CBY1: variants seen among roughly 807,000 people sequenced by gnomAD.
The protein encoded by CBY1 is protein chibby homolog 1.
CBY1 carries 10 observed loss-of-function variants against 15.6 expected under a neutral mutation model. The ratio of observed to expected loss-of-function variants is 0.64; its 90% CI spans 0.40 to 1.09. The LOEUF is 1.09. CBY1 is among the 50% of genes least tolerant of loss of function. The probability of loss-of-function intolerance (pLI) is 0.01; values close to 1 mark genes in which losing one functional copy is unlikely to be tolerated. For synonymous variants in CBY1, 61 were observed against 63.5 expected, an observed-to-expected ratio of 0.96 and a Z score of 0.19; for missense variants, 150 against 160.5, an observed-to-expected ratio of 0.93 and a Z score of 0.35.
intron 1 of CBY1, among the ~76,000 whole-genome samples, chr22:38,658,040 C>G (rs1304226928): frequency 6.6e-6 from 1 of 152,030 alleles, no homozygotes; most frequent in Non-Finnish European, 1.5e-5. Context: ...ATGACAAGTT[C>G]ATTCAAGTCA....
In CBY1 at chr22:38,670,942, A is replaced by T. The variant is rs1569256376; in HGVS notation, c.137A>T (p.Asn46Ile). The change falls in exon 3 of 5, where the codon AAC becomes ATC. Residue 46 changes from asparagine to isoleucine, a missense_variant. Coordinates refer to ENST00000216029, the MANE Select transcript of CBY1 (RefSeq NM_015373.4). ...LGLEYGSPTM[N>I]LAGQSLKFEN... ...TTGGAATACGGATCCCCGACTATGA[A>T]CCTGGCAGGGCAAAGCCTGAAGTTT... The T allele has an allele frequency of 1.2e-6, 2 of 1,614,162 alleles. No individual in the cohort carries two copies. Among genetic ancestry groups the T allele is most frequent in the Non-Finnish European group, 1.7e-6 (2 of 1,180,026 alleles).
chr22:38,670,855 G>A, intron 2 of CBY1, 29 bp from the exon 3 acceptor site: 1 of 1,531,514 alleles, frequency 6.5e-7, no homozygotes, highest in Non-Finnish European at 9.0e-7. Context: ...CGGGCCTGCT[G>A]AAGTTGTCAC....
At chr22:38,671,525 T>G in intron 4 of CBY1, 1 of 307,956 alleles carries the variant, frequency 3.2e-6, no homozygotes. Context: ...GAATAGAGGT[T>G]AGATGAAGGC....
intron 1 of CBY1, among the ~76,000 whole-genome samples, chr22:38,658,211 T>C (rs5757214): frequency 0.29 from 44,715 of 151,822 alleles, 6,672 homozygotes; most frequent in East Asian, 0.36. Context: ...CTGCAACCTC[T>C]GCCTCCTGGG....
chr22:38,660,992 C>A (rs1425603904), intron 1 of CBY1, among the ~76,000 whole-genome samples: 2 of 152,036 alleles, frequency 1.3e-5, no homozygotes, highest in Admixed American at 1.3e-4. Flanking sequence ...CAGGGCCTTA[C>A]AATGTGTTTT....
At chr22:38,673,042 C>G in intron 4 of CBY1, 117 bp from the exon 5 acceptor site, 1 of 673,360 alleles carries the variant, frequency 1.5e-6, no homozygotes, top group Admixed American at 2.2e-5. Flanking sequence ...ATCGAGGAAG[C>G]CAGCAGCATC....
At chr22:38,661,570 T>C (rs1480390373) in intron 1 of CBY1, among the ~76,000 whole-genome samples, 1 of 152,244 alleles carries the variant, frequency 6.6e-6, no homozygotes, top group African/African-American at 2.4e-5. Flanking sequence ...CATATACTTA[T>C]GTATTGTATG....
chr22:38,659,571 A>C (rs933870766), intron 1 of CBY1, among the ~76,000 whole-genome samples: 18 of 152,044 alleles, frequency 1.2e-4, no homozygotes, highest in African/African-American at 4.3e-4. Context: ...TTTTATTATA[A>C]GAATGTGCTG....
At chr22:38,661,624 T>C (rs2092422576) in intron 1 of CBY1, among the ~76,000 whole-genome samples, 1 of 152,234 alleles carries the variant, frequency 6.6e-6, no homozygotes, top group Non-Finnish European at 1.5e-5. Context: ...TTATCATTAA[T>C]TTTAGTGAGA....
In CBY1 at chr22:38,666,232, TA is replaced by T. The variant is rs201827494; in HGVS notation, c.-38-1784del. The stretch of plus-strand genomic sequence containing the variant: ...TCTGTATTAATGTTATATATATATA[TA>T]TTTTTTTTTCTTTTTTAACCTTTTT... On this transcript the variant is annotated intron_variant, in intron 1 of 4. Coordinates refer to ENST00000216029, the MANE Select transcript of CBY1 (RefSeq NM_015373.4). 1.0e-3 allele frequency among the ~76,000 whole-genome samples: 118 copies of T among 114,504 alleles called. 1 individual carries two copies. The highest frequency in any genetic ancestry group is 2.5e-3 in the African/African-American group (77 of 30,956). The allele number at this position is 114,504 out of a possible 152,430, so 75.1% of individuals were successfully genotyped here. A position where few individuals can be genotyped will look rare whatever the true frequency, so the allele number is the denominator to read the frequency against.
chr22:38,657,955 C>G (rs1240197507), intron 1 of CBY1, among the ~76,000 whole-genome samples: 1 of 152,040 alleles, frequency 6.6e-6, no homozygotes, highest in East Asian at 1.9e-4. Context: ...TTCATTAAAT[C>G]TCGAGTATAT....
chr22:38,662,158 T>C (rs144825983), intron 1 of CBY1, among the ~76,000 whole-genome samples: 3 of 152,070 alleles, frequency 2.0e-5, no homozygotes, highest in Non-Finnish European at 2.9e-5. Flanking sequence ...AAAAATTAGC[T>C]GGGCCTAGTG....
At chr22:38,657,427 C>T (rs778211065) in intron 1 of CBY1, among the ~76,000 whole-genome samples, 19 of 152,210 alleles carry the variant, frequency 1.2e-4, no homozygotes, top group African/African-American at 4.3e-4. Context: ...TCATTGGAAG[C>T]CAGGTGCTCC....
intron 4 of CBY1, chr22:38,671,502 A>T: frequency 2.8e-6 from 1 of 358,494 alleles, no homozygotes; most frequent in Non-Finnish European, 5.3e-6. Flanking sequence ...TGAATGTGGA[A>T]GGATAATGGC....
intron 1 of CBY1, chr22:38,665,562 G>A: frequency 2.4e-6 from 1 of 414,062 alleles, no homozygotes; most frequent in Non-Finnish European, 4.2e-6. Context: ...ATCCAGCAAT[G>A]CAAATGAACA....
chr22:38,660,037 A>C (rs2092417687), intron 1 of CBY1, among the ~76,000 whole-genome samples: 1 of 152,120 alleles, frequency 6.6e-6, no homozygotes, highest in African/African-American at 2.4e-5. Flanking sequence ...AAAAGTGTAC[A>C]CATTGACAAT....
chr22:38,673,147 C>T lies in CBY1; in HGVS notation c.304-12C>T. On this transcript the variant is annotated splice_polypyrimidine_tract_variant and intron_variant, in intron 4 of 4. Coordinates refer to ENST00000216029, the MANE Select transcript of CBY1 (RefSeq NM_015373.4). ...ATGTGCTGCTTGCTAACAGCCGCTG[C>T]TTCACTTTCAGCTTTCAGAGTCCAC... 6.3e-7 allele frequency: 1 copy of T among 1,599,080 alleles called. No homozygotes were observed.
chr22:38,664,905 G>A (rs992613477), intron 1 of CBY1, among the ~76,000 whole-genome samples: 1 of 152,042 alleles, frequency 6.6e-6, no homozygotes, highest in African/African-American at 2.4e-5. Flanking sequence ...GTGTGCAGTG[G>A]TGATCACAGC....
chr22:38,667,892 C>A, intron 1 of CBY1, 125 bp from the exon 2 acceptor site: 1 of 609,758 alleles, frequency 1.6e-6, no homozygotes, highest in Middle Eastern at 3.2e-4. Flanking sequence ...TTGGTGGGGA[C>A]ATTCAAACCA....
Sources: gnomAD v4.1 joint callset for allele counts (sites outside exome capture counted in the v4.1 genomes callset) on GRCh38, gnomAD v4.1.1 for gene constraint, MANE v1.5 for transcripts, NCBI Gene and HGNC (gene_info 2026-07-23, HGNC 2026-07-21) for gene names.